The following PTGER4 variants were observed in gnomAD, a reference collection of about 807,000 sequenced individuals.
PTGER4 encodes prostaglandin E receptor 4.
PTGER4 carries 11 observed loss-of-function variants against 33.2 expected under a neutral mutation model. The ratio of observed to expected loss-of-function variants is 0.33; its 90% confidence interval spans 0.21 to 0.55. PTGER4 has a LOEUF of 0.55. Among genes scored for constraint, PTGER4 ranks in the 20% least tolerant of loss-of-function variants. The pLI is 0.92. For missense variants in PTGER4, 481 were observed against 650.2 expected, an observed-to-expected ratio of 0.74 and a Z score of 2.83; for synonymous variants, 275 against 281.5, an observed-to-expected ratio of 0.98 and a Z score of 0.23.
chr5:40,731,687 C>T, the PTGER4 span, among the ~76,000 whole-genome samples: 7 of 152,174 alleles, frequency 4.6e-5, no homozygotes, highest in African/African-American at 9.7e-5. Context: ...ATCCTTGACA[C>T]GGGGATTATT....
the PTGER4 span, among the ~76,000 whole-genome samples, chr5:40,724,463 T>A: frequency 6.6e-6 from 1 of 151,966 alleles, no homozygotes; most frequent in Non-Finnish European, 1.5e-5. Flanking sequence ...TGAAACCCTG[T>A]CTCTACTAAA....
the PTGER4 span, among the ~76,000 whole-genome samples, chr5:40,733,591 C>T: frequency 3.3e-5 from 5 of 152,146 alleles, no homozygotes; most frequent in Non-Finnish European, 5.9e-5. Flanking sequence ...AGGAAGTTAT[C>T]ACCCCATAGA....
chr5:40,715,745 T>C, the PTGER4 span: 3 of 159,420 alleles, frequency 1.9e-5, no homozygotes, highest in African/African-American at 7.2e-5. Context: ...AAGCGCAGTA[T>C]ATTTCTCAGA....
chr5:40,729,502 A>G, the PTGER4 span, among the ~76,000 whole-genome samples: 1 of 152,228 alleles, frequency 6.6e-6, no homozygotes, highest in Non-Finnish European at 1.5e-5. Flanking sequence ...GTTATTTTTA[A>G]GCTATTAATA....
chr5:40,690,119 C>A (rs1035336643), intron 2 of PTGER4, among the ~76,000 whole-genome samples: 1 of 152,080 alleles, frequency 6.6e-6, no homozygotes, highest in Admixed American at 6.5e-5. Flanking sequence ...GCGGGCAGAT[C>A]ACTTGAGCTC....
chr5:40,681,924 C>A lies in PTGER4; in HGVS notation c.867+64C>A. ...TCGCATCCACCTCCCGCGTCCATTC[C>A]CCGCTCCCTGCTTTCCCTCTGAGTC... On this transcript the variant is annotated intron_variant, in intron 2 of 2. Transcript: ENST00000302472. The surrounding 1 kb of genome is among the most constrained non-coding windows in gnomAD (Gnocchi z 9.8). The A allele has an allele frequency of 2.7e-6, 4 of 1,461,288 alleles. No homozygotes were observed. The highest frequency in any genetic ancestry group is 3.6e-6 in the Non-Finnish European group (4 of 1,106,638). 90.5% of individuals were successfully genotyped at this position (1,461,288 alleles called of 1,614,324 possible). A position where few individuals can be genotyped will look rare whatever the true frequency, so the allele number is the denominator to read the frequency against.
the PTGER4 span, among the ~76,000 whole-genome samples, chr5:40,734,251 G>A: frequency 1.3e-5 from 2 of 152,262 alleles, no homozygotes; most frequent in East Asian, 3.9e-4. Context: ...CAGGAAACTT[G>A]GCACTGAACA....
the PTGER4 span, among the ~76,000 whole-genome samples, chr5:40,743,671 G>A: frequency 2.6e-5 from 4 of 152,144 alleles, no homozygotes; most frequent in African/African-American, 4.8e-5. Flanking sequence ...TACCTGGGAG[G>A]CTGAGGCAGG....
chr5:40,695,084 G>GTGTT (rs1380842249), downstream of PTGER4, among the ~76,000 whole-genome samples: 1 of 137,558 alleles, frequency 7.3e-6, no homozygotes, highest in East Asian at 2.8e-4. Flanking sequence ...TAGATCAAGT[G>GTGTT]TGTTAGAAAA....
At chr5:40,706,752 T>C in the PTGER4 span, among the ~76,000 whole-genome samples, 1 of 151,714 alleles carries the variant, frequency 6.6e-6, no homozygotes, top group Admixed American at 6.6e-5. Flanking sequence ...AAAGGTATCA[T>C]TATGAAAACA....
At chr5:40,729,579 C>G in the PTGER4 span, among the ~76,000 whole-genome samples, 1 of 152,184 alleles carries the variant, frequency 6.6e-6, no homozygotes, top group African/African-American at 2.4e-5. Flanking sequence ...ATCTAGAACC[C>G]AATCCATCCT....
the PTGER4 span, chr5:40,716,327 C>T: frequency 6.2e-7 from 1 of 1,614,160 alleles, no homozygotes. Context: ...AAGTCATAGT[C>T]TGGAATTGAC....
the PTGER4 span, among the ~76,000 whole-genome samples, chr5:40,726,676 T>C: frequency 6.6e-6 from 1 of 152,056 alleles, no homozygotes; most frequent in African/African-American, 2.4e-5. Context: ...AAATTATTTT[T>C]ATTGGATGAT....
intron 2 of PTGER4, among the ~76,000 whole-genome samples, chr5:40,682,599 A>G (rs1009197572): frequency 2.3e-4 from 35 of 152,320 alleles, no homozygotes; most frequent in Admixed American, 1.7e-3. Context: ...TGTCTAGACC[A>G]GGAAAGCAAA....
At chr5:40,737,872 G>A in the PTGER4 span, among the ~76,000 whole-genome samples, 8 of 152,100 alleles carry the variant, frequency 5.3e-5, no homozygotes, top group Admixed American at 2.0e-4. Context: ...CCCTTAGCAT[G>A]TTTCTGAGAT....
Position 40,680,808 on chromosome 5 carries a change from T to C in PTGER4, c.-43-143T>C, listed in dbSNP as rs1308580112. 23 of 723,858 alleles carry C rather than the reference T, an allele frequency of 3.2e-5. No individual in the cohort carries two copies. Among genetic ancestry groups the C allele is most frequent in the East Asian group, 2.6e-4 (10 of 37,934 alleles). 44.8% of individuals were successfully genotyped at this position (723,858 alleles called of 1,614,324 possible). A position where few individuals can be genotyped will look rare whatever the true frequency, so the allele number is the denominator to read the frequency against. On this transcript the variant is annotated intron_variant, in intron 1 of 2. Coordinates refer to ENST00000302472, the MANE Select transcript of PTGER4 (RefSeq NM_000958.3). This position sits in a 1 kb window ranked among gnomAD's most constrained non-coding sequence, Gnocchi z 5.5. The stretch of plus-strand genomic sequence containing the variant: ...AGCCTGGAGATTTTGGTGGCCGCAG[T>C]TGGTAAGTGGCTACAATCCAGAAAG...
the PTGER4 span, among the ~76,000 whole-genome samples, chr5:40,709,157 A>G: frequency 5.4e-4 from 83 of 152,322 alleles, 3 homozygotes; most frequent in South Asian, 0.017. Context: ...ACTCCTATTC[A>G]ACATAGCGTT....
chr5:40,703,409 C>T, the PTGER4 span, among the ~76,000 whole-genome samples: 1 of 152,130 alleles, frequency 6.6e-6, no homozygotes, highest in Non-Finnish European at 1.5e-5. Context: ...GGATAAATTC[C>T]TGGACACATA....
At position 40,681,756 on chromosome 5, in the gene PTGER4, C is replaced by G. The variant is rs1330163703; in HGVS notation, c.763C>G (p.Arg255Gly). The change falls in exon 2 of 3, where the codon CGG (arginine) becomes GGG (glycine). Residue 255 changes from arginine (R) to glycine (G), a missense_variant. This residue lies in a region of PTGER4 where 174 missense variants were observed against 210.5 expected (regional missense o/e 0.83). Coordinates refer to ENST00000302472, the MANE Select transcript of PTGER4 (RefSeq NM_000958.3). The surrounding 1 kb of genome is among the most constrained non-coding windows in gnomAD (Gnocchi z 9.8). ...SPALPRLSDF[R>G]RRRSFRRIAG... The stretch of plus-strand genomic sequence containing the variant: ...AGCCTTGCCGCGCCTCAGCGACTTT[C>G]GGCGCCGCCGGAGCTTCCGCCGCAT... 6.3e-7 allele frequency: 1 copy of G among 1,595,550 alleles called. No homozygotes were observed. The highest frequency in any genetic ancestry group is 8.5e-7 in the Non-Finnish European group (1 of 1,175,306).
Sources: allele counts gnomAD v4.1 joint callset (sites outside exome capture counted in the v4.1 genomes callset), GRCh38; gene constraint gnomAD v4.1.1; regional missense constraint gnomAD v4.1.1; non-coding constraint Gnocchi (gnomAD v3.1); transcripts MANE v1.5; gene names NCBI Gene and HGNC (gene_info 2026-07-23, HGNC 2026-07-21).